Variants in SH2B2 observed in about 807,000 individuals in gnomAD.
The protein encoded by SH2B2 is SH2B adaptor protein 2, also known as SH2B adapter protein 2.
SH2B2 carries 37 observed loss-of-function variants against 35.7 expected under a neutral mutation model. That is an observed-to-expected ratio of 1.04 (90% confidence interval 0.80 to 1.36). The LOEUF (loss-of-function observed/expected upper bound fraction) is 1.36, where lower values mean the gene tolerates loss of function less well. SH2B2 is among the 40% of genes most tolerant of loss of function. SH2B2 has a pLI of 0.00. For synonymous variants in SH2B2, 383 were observed against 376.4 expected, an observed-to-expected ratio of 1.02 and a Z score of -0.20; for missense variants, 852 against 817.7, an observed-to-expected ratio of 1.04 and a Z score of -0.51.
intron 4 of SH2B2, among the ~76,000 whole-genome samples, chr7:102,313,996 G>C (rs1793722092): frequency 6.6e-6 from 1 of 152,228 alleles, no homozygotes; most frequent in African/African-American, 2.4e-5. Flanking sequence ...TTGGGAAAAA[G>C]GGACTTTTGT....
intron 4 of SH2B2, 29 bp downstream of exon 4, chr7:102,308,935 T>C (rs1586591191): frequency 1.3e-6 from 2 of 1,559,854 alleles, no homozygotes; most frequent in Admixed American, 3.3e-5. Context: ...CGAAGATGGG[T>C]GGACAGGCTG....
intron 3 of SH2B2, among the ~76,000 whole-genome samples, chr7:102,307,982 G>T (rs1793468133): frequency 6.6e-6 from 1 of 152,104 alleles, no homozygotes; most frequent in African/African-American, 2.4e-5. Context: ...TGTTGCCCAG[G>T]CTGGTCTCGA....
rs558269727 is a variant in SH2B2 at position 102,311,956 on chromosome 7, T to C, written c.924-2380T>C. ...GCTGGAGGTGGAGGCGGGCCCGCTGTGATCCCAGCTACTCAGGAGGCTGAG... is the reference window on the plus strand; with the variant it reads ...GCTGGAGGTGGAGGCGGGCCCGCTGCGATCCCAGCTACTCAGGAGGCTGAG... On this transcript the variant is annotated intron_variant, in intron 4 of 8. Transcript: ENST00000444095. 2.0e-5 allele frequency among the ~76,000 whole-genome samples: 3 copies of C among 151,342 alleles called. No homozygotes were observed. In the South Asian group the frequency reaches 6.3e-4, roughly 32 times the overall value.
intron 1 of SH2B2, among the ~76,000 whole-genome samples, chr7:102,293,701 C>G (rs1468999133): frequency 6.6e-6 from 1 of 151,898 alleles, no homozygotes; most frequent in Non-Finnish European, 1.5e-5. Context: ...TCCCTAGTCC[C>G]AATGGAATGA....
Position 102,301,067 on chromosome 7 carries a change from G to C in SH2B2, c.517G>C (p.Asp173His). 1 of 1,385,088 alleles carries C rather than the reference G, an allele frequency of 7.2e-7. No individual in the cohort carries two copies. Among genetic ancestry groups the C allele is most frequent in the East Asian group, 3.1e-5 (1 of 32,572 alleles). The allele number at this position is 1,385,088 out of a possible 1,614,324, so 85.8% of individuals were successfully genotyped here. ...TGCCCCGCGCACCGCCGAGCCCCGC[G>C]ACAAGTGGACGCGGCGCCTGAGGCT... is the stretch of plus-strand genomic sequence containing the variant. ...AAAPRTAEPR[D>H]KWTRRLRLSR... is the part of the protein sequence containing the mutation. Residue 173 changes from aspartate to histidine, a missense_variant, in exon 2 of 9, where the codon GAC becomes CAC. This residue lies in a region of SH2B2 where 294 missense variants were observed against 286.6 expected (regional missense o/e 1.03). Coordinates refer to ENST00000444095, the MANE Select transcript of SH2B2 (RefSeq NM_001359228.2).
At position 102,321,408 on chromosome 7, in the gene SH2B2, G is replaced by T. The variant is rs1313293113; in HGVS notation, c.1677G>T (p.Ser559=). 2 of 1,346,718 alleles carry T rather than the reference G, an allele frequency of 1.5e-6. No individual in the cohort carries two copies. The highest frequency in any genetic ancestry group is 3.5e-5 in the Admixed American group (1 of 28,924). The allele number at this position is 1,346,718 out of a possible 1,614,324, so 83.4% of individuals were successfully genotyped here. The part of the protein sequence containing the change: ...SLAAAACPPA[S]PSDAAGASSS... ...CCGCGGCCGCCTGCCCGCCTGCCTC[G>T]CCCTCCGACGCCGCCGGCGCCTCCT... The change falls in exon 9 of 9, where the codon TCG becomes TCT. Residue 559 remains serine (S), a synonymous_variant. Transcript: ENST00000444095.
intron 2 of SH2B2, among the ~76,000 whole-genome samples, chr7:102,302,959 C>T (rs1330902950): frequency 6.6e-6 from 1 of 152,108 alleles, no homozygotes; most frequent in East Asian, 1.9e-4. Context: ...GGGGGCCGAG[C>T]GCGGTGGCTC....
At chr7:102,296,748 G>T (rs782262409) in intron 1 of SH2B2, among the ~76,000 whole-genome samples, 1 of 152,226 alleles carries the variant, frequency 6.6e-6, no homozygotes, top group Non-Finnish European at 1.5e-5. Context: ...ATTCCAGAAC[G>T]TGGGAATGTA....
Position 102,297,526 on chromosome 7 carries a change from T to G in SH2B2, c.-29-2996T>G, listed in dbSNP as rs1397209677. Among the ~76,000 whole-genome samples the G allele has an allele frequency of 1.3e-5, 2 of 152,210 alleles. No individual in the cohort carries two copies. The highest frequency in any genetic ancestry group is 3.9e-4 in the East Asian group (2 of 5,180). ...AACGAGAGGGAACTACCATATTTGA[T>G]CCACACTAGGAGGAGACCCCTCAAG... On this transcript the variant is annotated intron_variant, in intron 1 of 8. Coordinates refer to ENST00000444095, the MANE Select transcript of SH2B2 (RefSeq NM_001359228.2). The surrounding 1 kb of genome is among the most constrained non-coding windows in gnomAD (Gnocchi z 4.3).
upstream of SH2B2, among the ~76,000 whole-genome samples, chr7:102,286,599 C>T (rs1407613488): frequency 1.3e-5 from 2 of 151,910 alleles, no homozygotes; most frequent in Admixed American, 6.5e-5. Context: ...GGACCCCCGC[C>T]CAGATGGGGC....
rs142776969 is a variant in SH2B2, at chr7:102,319,134, T to C, written c.1396-1197T>C. 4.0e-3 allele frequency among the ~76,000 whole-genome samples: 602 copies of C among 152,326 alleles called. 7 individuals are homozygous for C. The highest frequency in any genetic ancestry group is 0.014 in the African/African-American group (573 of 41,574). Reference sequence around the variant, plus strand: ...CATACCTCCTGGGAGGGAAGATCACTACCTTCCCAGAGGCAACTCTTTCCA... The same window carrying C: ...CATACCTCCTGGGAGGGAAGATCACCACCTTCCCAGAGGCAACTCTTTCCA... On this transcript the variant is annotated intron_variant, in intron 7 of 8. Transcript: ENST00000444095.
At chr7:102,315,219 C>A (rs536413484) in intron 6 of SH2B2, among the ~76,000 whole-genome samples, 222 of 151,910 alleles carry the variant, frequency 1.5e-3, no homozygotes, top group African/African-American at 5.0e-3. Flanking sequence ...AAAATGCTCA[C>A]AGGGGCTGGG....
intron 6 of SH2B2, 138 bp from the exon 7 acceptor site, chr7:102,317,049 A>T (rs1793859768): frequency 1.3e-6 from 1 of 763,224 alleles, no homozygotes; most frequent in African/African-American, 1.8e-5. Flanking sequence ...CTAAAAACCA[A>T]CCAACTTTTT....
intron 2 of SH2B2, among the ~76,000 whole-genome samples, chr7:102,305,528 C>T (rs545662059): frequency 6.8e-4 from 104 of 152,126 alleles, no homozygotes; most frequent in Non-Finnish European, 9.7e-4. Context: ...TCCCAAAGTG[C>T]GAAATTACAG....
At chr7:102,287,750 G>C (rs1360668425) in intron 1 of SH2B2, among the ~76,000 whole-genome samples, 1 of 152,180 alleles carries the variant, frequency 6.6e-6, no homozygotes, top group Non-Finnish European at 1.5e-5. Context: ...GGCTGCGCGG[G>C]CCGGAACCGC....
rs782363013 is a variant in SH2B2 at position 102,300,666 on chromosome 7, C to T, written c.116C>T (p.Ala39Val). Residue 39 changes from alanine to valine, a missense_variant, in exon 2 of 9, where the codon GCG (alanine) becomes GTG (valine). Ala to Val is a moderately conservative substitution (Grantham distance 64). Coordinates refer to ENST00000444095, the MANE Select transcript of SH2B2 (RefSeq NM_001359228.2). ...LHAQAAAVDF[A>V]HKFCRFLRDN... Reference sequence around the variant, plus strand: ...GCGCAGGCGGCCGCCGTGGACTTTGCGCACAAGTTCTGCCGTTTCCTGCGG... The same window carrying T: ...GCGCAGGCGGCCGCCGTGGACTTTGTGCACAAGTTCTGCCGTTTCCTGCGG... The T allele has an allele frequency of 1.0e-5, 16 of 1,548,758 alleles. 1 individual carries two copies. The South Asian group carries it at 1.7e-4, about 16-fold the overall frequency.
Position 102,302,456 on chromosome 7 carries a change from T to G in SH2B2, c.729+1177T>G, listed in dbSNP as rs114165385. Among the ~76,000 whole-genome samples, 677 of 152,388 alleles carry G rather than the reference T, an allele frequency of 4.4e-3. 1 individual carries two copies. The highest frequency in any genetic ancestry group is 0.014 in the African/African-American group (601 of 41,602). ...AACATTGTTGCTCACTGGCATGCAC[T>G]GACCCTTCCCCTCTTAGGGGCTGGC... On this transcript the variant is annotated intron_variant, in intron 2 of 8. Transcript: ENST00000444095.
intron 1 of SH2B2, among the ~76,000 whole-genome samples, chr7:102,292,500 C>T (rs1258342702): frequency 6.7e-6 from 1 of 148,502 alleles, no homozygotes; most frequent in Non-Finnish European, 1.5e-5. Flanking sequence ...CATTGCACTC[C>T]AGCCTCGGCA....
chr7:102,292,819 A>G (rs1792726898), intron 1 of SH2B2, among the ~76,000 whole-genome samples: 1 of 152,182 alleles, frequency 6.6e-6, no homozygotes, highest in Non-Finnish European at 1.5e-5. Flanking sequence ...CCCTTCATGC[A>G]CTTGGTTCTC....
Sources: gnomAD v4.1 joint callset for allele counts (sites outside exome capture counted in the v4.1 genomes callset) on GRCh38, gnomAD v4.1.1 for gene constraint, gnomAD v4.1.1 regional missense constraint, Gnocchi (gnomAD v3.1) non-coding constraint, MANE v1.5 for transcripts, NCBI Gene and HGNC (gene_info 2026-07-23, HGNC 2026-07-21) for gene names.